Variants in NKAIN2 observed in about 807,000 individuals in gnomAD.
The protein encoded by NKAIN2 is sodium/potassium-transporting ATPase subunit beta-1-interacting protein 2.
Under a neutral mutation model 32.6 loss-of-function variants are expected in NKAIN2, and 14 were observed. That is an observed-to-expected ratio of 0.43 (90% CI 0.28 to 0.67). The LOEUF is 0.67. NKAIN2 is among the 30% of genes least tolerant of loss of function. The pLI is 0.17. For synonymous variants in NKAIN2, 80 were observed against 87.2 expected (o/e 0.92, Z 0.46); for missense variants, 198 against 258.3 (o/e 0.77, Z 1.60).
At chr6:123,840,203 A>G (rs1028944241) in intron 1 of NKAIN2, among the ~76,000 whole-genome samples, 1 of 152,030 alleles carries the variant, frequency 6.6e-6, no homozygotes, top group African/African-American at 2.4e-5. Flanking sequence ...TTTAATTACT[A>G]CTGTTATCCA....
At chr6:124,775,907 A>ATCCAAAGGG in intron 4 of NKAIN2, among the ~76,000 whole-genome samples, 1 of 152,306 alleles carries the variant, frequency 6.6e-6, no homozygotes, top group Non-Finnish European at 1.5e-5. Flanking sequence ...TACCAATAGT[A>ATCCAAAGGG]TCCAAAGGGT....
chr6:124,317,535 A>T (rs1221815369), intron 2 of NKAIN2, among the ~76,000 whole-genome samples: 1 of 152,084 alleles, frequency 6.6e-6, no homozygotes. Context: ...TTTTGAACAC[A>T]TAAGATTGTC....
At chr6:124,131,987 G>A (rs553604448) in intron 1 of NKAIN2, among the ~76,000 whole-genome samples, 1 of 152,290 alleles carries the variant, frequency 6.6e-6, no homozygotes, top group South Asian at 2.1e-4. Context: ...AGCCATGCTT[G>A]CTTTCTCAGA....
chr6:124,812,398 T>C (rs898516182), intron 5 of NKAIN2, among the ~76,000 whole-genome samples: 11 of 152,176 alleles, frequency 7.2e-5, no homozygotes, highest in Non-Finnish European at 1.3e-4. Flanking sequence ...CTATTGAGTG[T>C]CTTCCGTGAG....
intron 1 of NKAIN2, among the ~76,000 whole-genome samples, chr6:123,869,663 T>C (rs1212945752): frequency 6.6e-6 from 1 of 152,206 alleles, no homozygotes; most frequent in African/African-American, 2.4e-5. Context: ...TTTCTGCTGG[T>C]AGGGCTTTGG....
intron 4 of NKAIN2, among the ~76,000 whole-genome samples, chr6:124,686,079 G>A (rs1773861675): frequency 6.6e-6 from 1 of 152,118 alleles, no homozygotes; most frequent in Non-Finnish European, 1.5e-5. Context: ...AGGACTGGGG[G>A]CTTTGGTTTC....
At chr6:123,869,682 AT>A (rs1772765746) in intron 1 of NKAIN2, among the ~76,000 whole-genome samples, 1 of 152,190 alleles carries the variant, frequency 6.6e-6, no homozygotes. Flanking sequence ...GGGAGAACAT[AT>A]GTGTTTCTAT....
intron 4 of NKAIN2, among the ~76,000 whole-genome samples, chr6:124,745,733 G>C (rs1179071459): frequency 6.6e-6 from 1 of 151,832 alleles, no homozygotes; most frequent in Admixed American, 6.6e-5. Context: ...TTGTGTTTCT[G>C]TGTATTCTTT....
intron 1 of NKAIN2, among the ~76,000 whole-genome samples, chr6:124,159,743 C>A (rs1459300545): frequency 6.6e-6 from 1 of 152,054 alleles, no homozygotes; most frequent in Non-Finnish European, 1.5e-5. Flanking sequence ...TTTGAAGTGG[C>A]CTCAGAAACC....
intron 1 of NKAIN2, among the ~76,000 whole-genome samples, chr6:124,055,679 C>T (rs1166709961): frequency 6.6e-6 from 1 of 151,938 alleles, no homozygotes; most frequent in African/African-American, 2.4e-5. Flanking sequence ...ATCACTGTGA[C>T]CTTCAAGCCC....
intron 4 of NKAIN2, among the ~76,000 whole-genome samples, chr6:124,663,522 C>A (rs1045380614): frequency 3.3e-5 from 5 of 151,820 alleles, no homozygotes; most frequent in Admixed American, 1.3e-4. Context: ...ATACCCAAAA[C>A]GCATGACTTC....
At chr6:124,425,660 C>A (rs1245576903) in intron 3 of NKAIN2, among the ~76,000 whole-genome samples, 1 of 151,948 alleles carries the variant, frequency 6.6e-6, no homozygotes, top group African/African-American at 2.4e-5. Flanking sequence ...GACCTTTCTC[C>A]AAAGAAGACG....
chr6:123,954,443 C>A (rs1043648831), intron 1 of NKAIN2, among the ~76,000 whole-genome samples: 1 of 152,168 alleles, frequency 6.6e-6, no homozygotes, highest in African/African-American at 2.4e-5. Context: ...GGAGCTCCCC[C>A]CAAATCCCAG....
chr6:124,578,439 T>C (rs1219378599), intron 3 of NKAIN2, among the ~76,000 whole-genome samples: 2 of 152,026 alleles, frequency 1.3e-5, no homozygotes, highest in Non-Finnish European at 2.9e-5. Flanking sequence ...CAGGCAGTAC[T>C]TGCTATGGGC....
intron 4 of NKAIN2, among the ~76,000 whole-genome samples, chr6:124,706,281 T>C (rs1354313490): frequency 6.6e-6 from 1 of 152,128 alleles, no homozygotes; most frequent in Admixed American, 6.6e-5. Flanking sequence ...AATATTATTA[T>C]CTCTATCTTA....
intron 5 of NKAIN2, among the ~76,000 whole-genome samples, chr6:124,794,340 A>C (rs1305845688): frequency 1.3e-5 from 2 of 152,132 alleles, no homozygotes; most frequent in African/African-American, 4.8e-5. Flanking sequence ...CTTCTAAGGG[A>C]ATTCTGCCCT....
chr6:124,707,879 C>T (rs181023529), intron 4 of NKAIN2, among the ~76,000 whole-genome samples: 1 of 152,284 alleles, frequency 6.6e-6, no homozygotes, highest in East Asian at 1.9e-4. Context: ...TCTTTTGTTG[C>T]TATTGCTTTT....
chr6:123,898,932 C>T (rs111611199), intron 1 of NKAIN2, among the ~76,000 whole-genome samples: 42 of 152,176 alleles, frequency 2.8e-4, no homozygotes, highest in Non-Finnish European at 5.9e-4. Flanking sequence ...TTCATAACCT[C>T]AGCCACAAAC....
At chr6:124,206,880 T>C (rs898862947) in intron 1 of NKAIN2, among the ~76,000 whole-genome samples, 22 of 151,916 alleles carry the variant, frequency 1.4e-4, no homozygotes, top group Middle Eastern at 3.4e-3. Context: ...CTCTAGATGA[T>C]ATAGTGATAA....
Sources: gnomAD v4.1 joint callset for allele counts (sites outside exome capture counted in the v4.1 genomes callset) on GRCh38, gnomAD v4.1.1 for gene constraint, MANE v1.5 for transcripts, NCBI Gene and HGNC (gene_info 2026-07-23, HGNC 2026-07-21) for gene names.